The following ITGB3BP variants were observed in gnomAD, a reference collection of about 807,000 sequenced individuals.
ITGB3BP encodes the protein centromere protein R.
In ITGB3BP, 27 loss-of-function variants were observed where a neutral mutation model predicts 29.1. The ratio of observed to expected loss-of-function variants is 0.93; its 90% CI spans 0.68 to 1.28. The LOEUF (loss-of-function observed/expected upper bound fraction) is 1.28, where lower values mean the gene tolerates loss of function less well. Ranked by LOEUF, ITGB3BP falls within the 50% of genes most tolerant of loss-of-function variation. The pLI, the probability that ITGB3BP is intolerant of heterozygous loss-of-function variation, is 0.00. For missense variants in ITGB3BP, 192 were observed against 200.2 expected (o/e 0.96, Z 0.25); for synonymous variants, 61 against 61.4 (o/e 0.99, Z 0.03).
chr1:63,513,687 G>A (rs1291240253), intron 1 of ITGB3BP, among the ~76,000 whole-genome samples: 1 of 152,062 alleles, frequency 6.6e-6, no homozygotes, highest in African/African-American at 2.4e-5. Flanking sequence ...TAAAAACTAT[G>A]ATTTCATATT....
chr1:63,483,827 C>T (rs1428614735), intron 3 of ITGB3BP, among the ~76,000 whole-genome samples: 1 of 152,082 alleles, frequency 6.6e-6, no homozygotes, highest in Non-Finnish European at 1.5e-5. Context: ...GTTTTGATTG[C>T]CTATGGTATT....
At chr1:63,473,542 G>T (rs1250278916) in intron 4 of ITGB3BP, among the ~76,000 whole-genome samples, 1 of 134,316 alleles carries the variant, frequency 7.4e-6, no homozygotes, top group Non-Finnish European at 1.6e-5. Context: ...CCCCCCGCCC[G>T]GCCAGCTGCC....
At chr1:63,500,649 A>C (rs1645904767) in intron 2 of ITGB3BP, among the ~76,000 whole-genome samples, 1 of 152,216 alleles carries the variant, frequency 6.6e-6, no homozygotes, top group Non-Finnish European at 1.5e-5. Flanking sequence ...ATAAACAGAA[A>C]TATATCTCAC....
intron 4 of ITGB3BP, among the ~76,000 whole-genome samples, chr1:63,469,756 T>A (rs963264637): frequency 2.0e-5 from 3 of 152,262 alleles, no homozygotes; most frequent in African/African-American, 7.2e-5. Context: ...CTTAATCATA[T>A]AACATGTCTG....
intron 2 of ITGB3BP, among the ~76,000 whole-genome samples, chr1:63,500,961 A>G (rs1444938203): frequency 6.6e-6 from 1 of 152,234 alleles, no homozygotes; most frequent in Non-Finnish European, 1.5e-5. Context: ...ACATATATAT[A>G]GATAGACAAA....
intron 1 of ITGB3BP, among the ~76,000 whole-genome samples, chr1:63,521,766 A>G (rs952077053): frequency 6.6e-6 from 1 of 152,118 alleles, no homozygotes; most frequent in African/African-American, 2.4e-5. Context: ...TGGGCAACAG[A>G]GCCAGACTCT....
intron 1 of ITGB3BP, among the ~76,000 whole-genome samples, chr1:63,513,062 T>C (rs1236513266): frequency 6.6e-6 from 1 of 152,204 alleles, no homozygotes; most frequent in African/African-American, 2.4e-5. Context: ...TGCATCCTTC[T>C]GAGAGCATAA....
chr1:63,478,712 G>A, intron 4 of ITGB3BP, 52 bp downstream of exon 4: 1 of 844,648 alleles, frequency 1.2e-6, no homozygotes, highest in East Asian at 2.7e-5. Flanking sequence ...TAACAAATAT[G>A]AACGTCTTTC....
chr1:63,491,175 T>C (rs1456887494), intron 2 of ITGB3BP, among the ~76,000 whole-genome samples: 3 of 152,134 alleles, frequency 2.0e-5, no homozygotes. Flanking sequence ...CAAACATCCA[T>C]TATCATACTA....
intron 8 of ITGB3BP, among the ~76,000 whole-genome samples, 191 bp from the exon 9 acceptor site, chr1:63,441,294 G>A (rs2036866): frequency 0.34 from 51,459 of 152,024 alleles, 8,941 homozygotes; most frequent in East Asian, 0.48. Flanking sequence ...CTGGAGTGGA[G>A]TGGCATGGTC....
chr1:63,445,629 C>A (rs1272353701), intron 8 of ITGB3BP, among the ~76,000 whole-genome samples: 1 of 136,476 alleles, frequency 7.3e-6, no homozygotes, highest in Non-Finnish European at 1.5e-5. Context: ...GAGACAGGGT[C>A]TCGCTCTGTC....
Position 63,452,401 on chromosome 1 carries a change from A to G in ITGB3BP, c.484+1517T>C, listed in dbSNP as rs529601471. ...CAAGATTTCTTCCAGTTGGGAAATA[A>G]TAAACACTTTGCTTTCCTATTGTGA... On this transcript the variant is annotated intron_variant, in intron 7 of 8. Transcript: ENST00000271002. Among the ~76,000 whole-genome samples the G allele has an allele frequency of 2.0e-5, 3 of 152,232 alleles. No individual in the cohort carries two copies. The South Asian group carries it at 6.2e-4, about 32-fold the overall frequency.
At chr1:63,497,608 T>G (rs1276516487) in intron 2 of ITGB3BP, among the ~76,000 whole-genome samples, 1 of 152,174 alleles carries the variant, frequency 6.6e-6, no homozygotes, top group Non-Finnish European at 1.5e-5. Flanking sequence ...ACTCAGGAGC[T>G]TTTATATAGG....
At chr1:63,447,020 G>T in intron 7 of ITGB3BP, 164 bp from the exon 8 acceptor site, 1 of 582,820 alleles carries the variant, frequency 1.7e-6, no homozygotes, top group East Asian at 2.8e-5. Flanking sequence ...ATTTCAACAT[G>T]CTATAGTTAG....
intron 3 of ITGB3BP, among the ~76,000 whole-genome samples, chr1:63,488,639 T>TTA (rs1000602185): frequency 2.0e-5 from 3 of 152,056 alleles, no homozygotes; most frequent in African/African-American, 7.2e-5. Context: ...AATGTAATGA[T>TTA]TACAAATGAC....
At chr1:63,523,012 G>A (rs770079650) in intron 1 of ITGB3BP, 117 bp downstream of exon 1, 10 of 1,189,326 alleles carry the variant, frequency 8.4e-6, no homozygotes, top group Non-Finnish European at 1.3e-5. Flanking sequence ...GTGGACAGAG[G>A]AGACAAGTTC....
At chr1:63,441,295 T>A (rs1474490095) in intron 8 of ITGB3BP, among the ~76,000 whole-genome samples, 192 bp from the exon 9 acceptor site, 1 of 152,116 alleles carries the variant, frequency 6.6e-6, no homozygotes, top group Non-Finnish European at 1.5e-5. Context: ...TGGAGTGGAG[T>A]GGCATGGTCT....
upstream of ITGB3BP, among the ~76,000 whole-genome samples, chr1:63,524,853 T>C (rs192273194): frequency 5.8e-4 from 89 of 152,356 alleles, 1 homozygote; most frequent in African/African-American, 2.0e-3. Context: ...ACAAGATGTA[T>C]GACAGTTCTT....
chr1:63,481,882 A>C (rs1158704935), intron 3 of ITGB3BP, among the ~76,000 whole-genome samples: 1 of 152,228 alleles, frequency 6.6e-6, no homozygotes, highest in African/African-American at 2.4e-5. Flanking sequence ...CAGAATGGTT[A>C]CAAACTTATC....
Sources: allele counts gnomAD v4.1 joint callset (sites outside exome capture counted in the v4.1 genomes callset), GRCh38; gene constraint gnomAD v4.1.1; transcripts MANE v1.5; gene names NCBI Gene and HGNC (gene_info 2026-07-23, HGNC 2026-07-21).